Variants in PIWIL2 observed in about 807,000 individuals in gnomAD.
PIWIL2 encodes the protein piwi-like protein 2.
PIWIL2 carries 81 observed loss-of-function variants against 116.5 expected under a neutral mutation model. That is an observed-to-expected ratio of 0.70 (90% CI 0.58 to 0.84). The LOEUF is 0.84. Ranked by LOEUF, PIWIL2 falls within the 40% of genes least tolerant of loss-of-function variation. PIWIL2 has a pLI of 0.00. For missense variants in PIWIL2, 1,272 were observed against 1,212.3 expected (o/e 1.05, Z -0.73); for synonymous variants, 489 against 429.5 (o/e 1.14, Z -1.71).
At chr8:22,277,522 T>TA (rs1830404704) in intron 1 of PIWIL2, among the ~76,000 whole-genome samples, 1 of 152,160 alleles carries the variant, frequency 6.6e-6, no homozygotes, top group African/African-American at 2.4e-5. Context: ...AGAGAGTTTT[T>TA]AAAATTTTTT....
At chr8:22,308,140 T>A (rs1831234408) in intron 14 of PIWIL2, 67 bp downstream of exon 14, 1 of 1,309,252 alleles carries the variant, frequency 7.6e-7, no homozygotes. Flanking sequence ...TATGTGACTT[T>A]CCTTTTGTTG....
rs1402995111 is a variant in PIWIL2 at position 22,305,973 on chromosome 8, C to A, written c.1502C>A (p.Thr501Asn). 3 of 1,613,858 alleles carry A rather than the reference C, an allele frequency of 1.9e-6. No individual in the cohort carries two copies. The highest frequency in any genetic ancestry group is 2.5e-6 in the Non-Finnish European group (3 of 1,179,916). ...ILLLPELSFM[T>N]GIPEKMKKDF... ...CTGCTGCCTGAGCTTTCTTTTATGA[C>A]CGGAATCCCAGAGAAGATGAAGAAG... The change falls in exon 13 of 23, where the codon ACC becomes AAC. Residue 501 changes from threonine to asparagine, a missense_variant. By Grantham distance (65) the Thr-to-Asn change is moderately conservative (BLOSUM62 0). Transcript: ENST00000356766.
chr8:22,299,754 G>A (rs1033438802), intron 10 of PIWIL2, among the ~76,000 whole-genome samples: 1 of 152,050 alleles, frequency 6.6e-6, no homozygotes, highest in African/African-American at 2.4e-5. Context: ...AAATAGACAT[G>A]GCCATTGCCC....
intron 1 of PIWIL2, among the ~76,000 whole-genome samples, chr8:22,276,904 TA>T (rs11287267): frequency 0.49 from 73,232 of 148,936 alleles, 18,643 homozygotes; most frequent in East Asian, 0.85. Context: ...CCCTGTCTCT[TA>T]AAAAAAAAAA....
chr8:22,285,922 G>A (rs1031265129), intron 6 of PIWIL2, among the ~76,000 whole-genome samples: 2 of 152,086 alleles, frequency 1.3e-5, no homozygotes, highest in African/African-American at 4.8e-5. Flanking sequence ...TGGGATTACC[G>A]GCATGAGCCA....
intron 5 of PIWIL2, among the ~76,000 whole-genome samples, chr8:22,283,687 G>T (rs1309716845): frequency 6.6e-6 from 1 of 152,186 alleles, no homozygotes; most frequent in Non-Finnish European, 1.5e-5. Flanking sequence ...GGGATTACAG[G>T]TGTGAGCCAC....
intron 20 of PIWIL2, among the ~76,000 whole-genome samples, chr8:22,322,601 G>A (rs981188891): frequency 3.3e-5 from 5 of 150,246 alleles, no homozygotes; most frequent in Non-Finnish European, 5.9e-5. Context: ...GTCCTGTCCC[G>A]TCCCATCCCA....
intron 20 of PIWIL2, among the ~76,000 whole-genome samples, chr8:22,322,590 C>A (rs1366979366): frequency 7.5e-6 from 1 of 134,028 alleles, no homozygotes; most frequent in African/African-American, 2.7e-5. Flanking sequence ...TGTCCCGTCC[C>A]GTCCTGTCCC....
intron 20 of PIWIL2, among the ~76,000 whole-genome samples, chr8:22,320,058 G>A (rs1388368064): frequency 8.6e-5 from 13 of 151,852 alleles, no homozygotes; most frequent in Non-Finnish European, 1.8e-4. Context: ...TGCCTCCCAG[G>A]CTCAAGCGAT....
intron 6 of PIWIL2, 25 bp downstream of exon 6, chr8:22,284,297 G>A (rs751200953): frequency 7.3e-6 from 9 of 1,231,338 alleles, no homozygotes; most frequent in Non-Finnish European, 7.0e-6. Context: ...CCTTTGTATT[G>A]TTCACTTCTT....
intron 20 of PIWIL2, among the ~76,000 whole-genome samples, chr8:22,343,013 A>T (rs1832144656): frequency 6.6e-6 from 1 of 152,180 alleles, no homozygotes; most frequent in African/African-American, 2.4e-5. Context: ...TCACATCTGT[A>T]ATCCCAGCAC....
At chr8:22,331,993 T>C (rs114853151) in intron 20 of PIWIL2, among the ~76,000 whole-genome samples, 68 of 152,176 alleles carry the variant, frequency 4.5e-4, no homozygotes, top group African/African-American at 1.6e-3. Flanking sequence ...TAGATATAGC[T>C]GAGGCTGGAA....
chr8:22,330,288 G>A (rs1433874245), intron 20 of PIWIL2, among the ~76,000 whole-genome samples: 1 of 151,924 alleles, frequency 6.6e-6, no homozygotes, highest in African/African-American at 2.4e-5. Flanking sequence ...TTTCTATTTG[G>A]TTCTTTCTTG....
Position 22,326,827 on chromosome 8 carries a change from T to A in PIWIL2, c.2403+8552T>A, listed in dbSNP as rs972068020. On this transcript the variant is annotated intron_variant, in intron 20 of 22. Coordinates refer to ENST00000356766, the MANE Select transcript of PIWIL2 (RefSeq NM_018068.5). ...TTCCTGAACAAGTATTTGTTTAAGTTCCCATTTTCAGTTCTTTTTGATATA... is the reference window on the plus strand; with the variant it reads ...TTCCTGAACAAGTATTTGTTTAAGTACCCATTTTCAGTTCTTTTTGATATA... 9.2e-5 allele frequency among the ~76,000 whole-genome samples: 14 copies of A among 152,280 alleles called. No individual in the cohort carries two copies. In the South Asian group the frequency reaches 2.9e-3, roughly 32 times the overall value.
chr8:22,299,415 T>C (rs1046322721), intron 10 of PIWIL2, among the ~76,000 whole-genome samples: 2 of 152,000 alleles, frequency 1.3e-5, no homozygotes, highest in East Asian at 3.9e-4. Context: ...TCCATGGTGG[T>C]CAGACTGGTC....
intron 20 of PIWIL2, among the ~76,000 whole-genome samples, chr8:22,333,510 G>A (rs1313016202): frequency 6.6e-6 from 1 of 152,090 alleles, no homozygotes; most frequent in Non-Finnish European, 1.5e-5. Context: ...TAGTCGGGAG[G>A]CTGAGGCAGG....
intron 10 of PIWIL2, among the ~76,000 whole-genome samples, chr8:22,295,337 C>CT (rs35664228): frequency 0.55 from 82,100 of 149,844 alleles, 23,006 homozygotes; most frequent in East Asian, 0.81. Flanking sequence ...CTATGCTCAG[C>CT]TTTTTTTTTT....
At chr8:22,279,084 C>T (rs1008345758) in intron 1 of PIWIL2, among the ~76,000 whole-genome samples, 6 of 151,778 alleles carry the variant, frequency 4.0e-5, no homozygotes, top group Non-Finnish European at 8.8e-5. Flanking sequence ...TCCCCCCACC[C>T]CTGGGTCCAT....
chr8:22,280,429 A>G (rs1448770887), intron 2 of PIWIL2, among the ~76,000 whole-genome samples: 3 of 152,200 alleles, frequency 2.0e-5, no homozygotes, highest in South Asian at 2.1e-4. Context: ...TCTATAATTA[A>G]TATATCAAAG....
Sources: allele counts gnomAD v4.1 joint callset (sites outside exome capture counted in the v4.1 genomes callset), GRCh38; gene constraint gnomAD v4.1.1; transcripts MANE v1.5; gene names NCBI Gene and HGNC (gene_info 2026-07-23, HGNC 2026-07-21).